FOXP1: variants seen among roughly 807,000 people sequenced by gnomAD.
The protein encoded by FOXP1 is forkhead box protein P1.
Under a neutral mutation model 98.2 loss-of-function variants are expected in FOXP1, and 15 were observed. That is an observed-to-expected ratio of 0.15 (90% CI 0.10 to 0.24). FOXP1 has a LOEUF of 0.24. Ranked by LOEUF, FOXP1 falls within the 10% of genes least tolerant of loss-of-function variation. The pLI, the probability that FOXP1 is intolerant of heterozygous loss-of-function variation, is 1.00. For missense variants in FOXP1, 633 were observed against 848.5 expected, an observed-to-expected ratio of 0.75 and a Z score of 3.15; for synonymous variants, 371 against 314.5, an observed-to-expected ratio of 1.18 and a Z score of -1.90.
intron 4 of FOXP1, among the ~76,000 whole-genome samples, chr3:71,358,126 T>A (rs1560365156): frequency 6.6e-6 from 1 of 152,226 alleles, no homozygotes; most frequent in Non-Finnish European, 1.5e-5. Flanking sequence ...TTAAACATAC[T>A]TGTAGGCATC....
At chr3:71,283,192 T>A (rs1435995684) in intron 5 of FOXP1, among the ~76,000 whole-genome samples, 1 of 152,090 alleles carries the variant, frequency 6.6e-6, no homozygotes, top group Admixed American at 6.6e-5. Context: ...ATTCCTTCAT[T>A]CAGGAATGAA....
chr3:71,015,840 G>A (rs1379542576), intron 11 of FOXP1, among the ~76,000 whole-genome samples, 187 bp from the exon 12 acceptor site: 2 of 152,170 alleles, frequency 1.3e-5, no homozygotes, highest in African/African-American at 4.8e-5. Flanking sequence ...GAGTTAAATT[G>A]TACCTAAGTG....
rs920602158 is a variant in FOXP1 at position 71,401,137 on chromosome 3, A to G, written c.-167-41893T>C. ...TATCTGAAAACTCACATGCTTCTCTAGTTACATATGAAAGAAACTGTACTT... is the reference window on the plus strand; with the variant it reads ...TATCTGAAAACTCACATGCTTCTCTGGTTACATATGAAAGAAACTGTACTT... On this transcript the variant is annotated intron_variant, in intron 3 of 20. Coordinates refer to ENST00000649528, the MANE Select transcript of FOXP1 (RefSeq NM_001349338.3). Among the ~76,000 whole-genome samples the G allele has an allele frequency of 1.3e-4, 20 of 152,340 alleles. No individual in the cohort carries two copies. The South Asian group carries it at 3.3e-3, about 25-fold the overall frequency.
intron 11 of FOXP1, among the ~76,000 whole-genome samples, chr3:71,024,420 A>G (rs559434611): frequency 2.0e-4 from 30 of 152,320 alleles, no homozygotes; most frequent in South Asian, 1.9e-3. Flanking sequence ...GTTTTCCAAA[A>G]GTAAGTTGAC....
At chr3:71,355,402 G>T (rs2078086327) in intron 4 of FOXP1, among the ~76,000 whole-genome samples, 1 of 152,166 alleles carries the variant, frequency 6.6e-6, no homozygotes, top group Admixed American at 6.5e-5. Flanking sequence ...TTTGGATCAA[G>T]AAAAATAATA....
rs545840896 is a variant in FOXP1 at position 71,163,633 on chromosome 3, G to A, written c.180+34569C>T. Among the ~76,000 whole-genome samples, 6 of 152,194 alleles carry A rather than the reference G, an allele frequency of 3.9e-5. No homozygotes were observed. The South Asian group carries it at 1.2e-3, about 32-fold the overall frequency. On this transcript the variant is annotated intron_variant, in intron 6 of 20. Coordinates refer to ENST00000649528, the MANE Select transcript of FOXP1 (RefSeq NM_001349338.3). The stretch of plus-strand genomic sequence containing the variant: ...TGACCATGTTGAAACTTGTCAACTC[G>A]ATATTTTCTCACATTTCAGAACAAG...
At chr3:71,166,599 C>G (rs1361223160) in intron 6 of FOXP1, among the ~76,000 whole-genome samples, 1 of 152,116 alleles carries the variant, frequency 6.6e-6, no homozygotes, top group East Asian at 1.9e-4. Flanking sequence ...CACTACTGGC[C>G]TCTTCTCCAG....
chr3:71,185,231 C>T (rs578034195), intron 6 of FOXP1, among the ~76,000 whole-genome samples: 2 of 151,514 alleles, frequency 1.3e-5, no homozygotes, highest in African/African-American at 4.8e-5. Flanking sequence ...TATGCCAGTA[C>T]AGATTTTTGC....
intron 2 of FOXP1, among the ~76,000 whole-genome samples, chr3:71,575,053 C>A (rs1431578845): frequency 6.6e-6 from 1 of 152,158 alleles, no homozygotes; most frequent in Non-Finnish European, 1.5e-5. Flanking sequence ...GGCATCAGGA[C>A]CATGTGGGAT....
At chr3:71,044,898 C>T (rs1454861728) in intron 10 of FOXP1, among the ~76,000 whole-genome samples, 1 of 152,132 alleles carries the variant, frequency 6.6e-6, no homozygotes, top group African/African-American at 2.4e-5. Flanking sequence ...TGACCATGTT[C>T]AAGCAAGCAG....
chr3:71,354,150 CAAA>C (rs541215729), intron 4 of FOXP1, among the ~76,000 whole-genome samples: 1 of 129,092 alleles, frequency 7.7e-6, no homozygotes. Flanking sequence ...ATTAAAAATA[CAAA>C]AAAAAAAAAA....
intron 7 of FOXP1, among the ~76,000 whole-genome samples, chr3:71,069,713 G>A (rs1243454438): frequency 6.6e-6 from 1 of 152,140 alleles, no homozygotes; most frequent in Non-Finnish European, 1.5e-5. Context: ...CCACCCACAG[G>A]CAAACCCTCG....
chr3:71,397,972 G>A (rs1278100480), intron 3 of FOXP1, among the ~76,000 whole-genome samples: 2 of 152,156 alleles, frequency 1.3e-5, no homozygotes, highest in Non-Finnish European at 2.9e-5. Context: ...GGGAAAGAGA[G>A]AGAAGGGGAG....
chr3:71,389,155 C>T (rs2080830408), intron 3 of FOXP1, among the ~76,000 whole-genome samples: 2 of 146,632 alleles, frequency 1.4e-5, no homozygotes, highest in Admixed American at 1.4e-4. Context: ...TGGCTGACTG[C>T]ATTCATTTCC....
intron 3 of FOXP1, among the ~76,000 whole-genome samples, chr3:71,462,505 A>G (rs1034531084): frequency 1.3e-5 from 2 of 152,186 alleles, no homozygotes; most frequent in Non-Finnish European, 2.9e-5. Flanking sequence ...ACACAGATAA[A>G]GTTCTCCTTC....
chr3:71,414,605 A>G (rs1338439050), intron 3 of FOXP1, among the ~76,000 whole-genome samples: 1 of 152,256 alleles, frequency 6.6e-6, no homozygotes, highest in Non-Finnish European at 1.5e-5. Flanking sequence ...TCCAAGGGAT[A>G]TTCTAACATG....
At chr3:71,579,625 C>CT (rs2047996009) in intron 2 of FOXP1, among the ~76,000 whole-genome samples, 10 of 104,332 alleles carry the variant, frequency 9.6e-5, no homozygotes, top group Non-Finnish European at 8.2e-5. Context: ...TCTTTTTTTT[C>CT]TTTTTTCTTT....
intron 6 of FOXP1, among the ~76,000 whole-genome samples, chr3:71,139,794 C>CTATT (rs1171558585): frequency 6.6e-6 from 1 of 152,158 alleles, no homozygotes; most frequent in African/African-American, 2.4e-5. Context: ...GACTCTTTCG[C>CTATT]TATTATGTGT....
chr3:71,374,378 G>A (rs1042533611), intron 3 of FOXP1, among the ~76,000 whole-genome samples: 5 of 152,172 alleles, frequency 3.3e-5, no homozygotes, highest in Non-Finnish European at 5.9e-5. Context: ...CAGATCACTT[G>A]AGGTCAGGAG....
Sources: gnomAD v4.1 joint callset for allele counts (sites outside exome capture counted in the v4.1 genomes callset) on GRCh38, gnomAD v4.1.1 for gene constraint, MANE v1.5 for transcripts, NCBI Gene and HGNC (gene_info 2026-07-23, HGNC 2026-07-21) for gene names.